The following CRACR2A variants were observed in gnomAD, a reference collection of about 807,000 sequenced individuals.
CRACR2A encodes the protein calcium release activated channel regulator 2A.
CRACR2A carries 79 observed loss-of-function variants against 90.5 expected under a neutral mutation model. The ratio of observed to expected loss-of-function variants is 0.87; its 90% CI spans 0.73 to 1.05. CRACR2A has a LOEUF of 1.05. CRACR2A is among the 50% of genes least tolerant of loss of function. The pLI, the probability that CRACR2A is intolerant of heterozygous loss-of-function variation, is 0.00. For missense variants in CRACR2A, 823 were observed against 897.2 expected (o/e 0.92, Z 1.06); for synonymous variants, 338 against 356.7 (o/e 0.95, Z 0.59).
At chr12:3,686,339 A>G (rs138586927) in intron 4 of CRACR2A, among the ~76,000 whole-genome samples, 2 of 152,324 alleles carry the variant, frequency 1.3e-5, no homozygotes, top group East Asian at 3.9e-4. Flanking sequence ...CACATAAAAG[A>G]ATGAGCACAT....
chr12:3,657,538 T>C (rs1944937824), intron 8 of CRACR2A, among the ~76,000 whole-genome samples: 1 of 152,154 alleles, frequency 6.6e-6, no homozygotes, highest in South Asian at 2.1e-4. Context: ...GTTACCAGGT[T>C]CTTCTGCCCA....
chr12:3,709,456 C>G (rs1379807728), intron 3 of CRACR2A, among the ~76,000 whole-genome samples: 1 of 152,208 alleles, frequency 6.6e-6, no homozygotes, highest in East Asian at 1.9e-4. Context: ...TTCATGAATT[C>G]AATCTTAAGT....
At chr12:3,710,976 A>G (rs943049097) in intron 3 of CRACR2A, among the ~76,000 whole-genome samples, 1 of 152,170 alleles carries the variant, frequency 6.6e-6, no homozygotes, top group African/African-American at 2.4e-5. Context: ...TAGCATTCCA[A>G]GCCTGATTTC....
At chr12:3,734,709 C>T (rs764115052) in intron 1 of CRACR2A, among the ~76,000 whole-genome samples, 3 of 151,732 alleles carry the variant, frequency 2.0e-5, no homozygotes, top group Non-Finnish European at 2.9e-5. Flanking sequence ...CTACCATTTG[C>T]GACAGCAGGG....
intron 15 of CRACR2A, among the ~76,000 whole-genome samples, chr12:3,631,506 GTCGACCTCC>G: frequency 6.6e-6 from 1 of 152,282 alleles, no homozygotes; most frequent in African/African-American, 2.4e-5. Context: ...GGGAGGGCAA[GTCGACCTCC>G]CAGGCGCTGT....
rs1944416258 is a variant in CRACR2A, at chr12:3,633,866, C to A, written c.1603-130G>T. The A allele has an allele frequency of 6.3e-6, 8 of 1,262,778 alleles. No individual in the cohort carries two copies. The South Asian group carries it at 1.2e-4, about 18-fold the overall frequency. The allele number at this position is 1,262,778 out of a possible 1,614,324, so 78.2% of individuals were successfully genotyped here. On this transcript the variant is annotated intron_variant, in intron 14 of 19. Transcript: ENST00000440314. This position sits in a 1 kb window ranked among gnomAD's most constrained non-coding sequence, Gnocchi z 4.5. ...TGCAGACCGGCCTCTAGACCTGCAC[C>A]AGGAGGCTGCCACAGCCTCAGAATG...
Position 3,739,635 on chromosome 12 carries a change from T to C in CRACR2A, c.-386-6425A>G, listed in dbSNP as rs116162267. On this transcript the variant is annotated intron_variant, in intron 1 of 19. Transcript: ENST00000440314. ...TATTTTGAACAAAATATTTATGATC[T>C]CTTTATTTAAGAAATACTGGCTGAG... Among the ~76,000 whole-genome samples the C allele has an allele frequency of 2.4e-3, 371 of 152,310 alleles. 3 individuals carry two copies. The highest frequency in any genetic ancestry group is 8.5e-3 in the African/African-American group (354 of 41,560).
intron 2 of CRACR2A, among the ~76,000 whole-genome samples, chr12:3,721,382 AG>A (rs1241570592): frequency 8.0e-6 from 1 of 124,758 alleles, no homozygotes; most frequent in Admixed American, 8.0e-5. Context: ...AAAAAAAAAA[AG>A]AAAGAAAGAA....
chr12:3,646,783 T>A (rs920256063), intron 11 of CRACR2A, among the ~76,000 whole-genome samples: 1 of 152,176 alleles, frequency 6.6e-6, no homozygotes. Context: ...GCAGGCTGCA[T>A]TGTTTCCTGC....
chr12:3,656,639 G>A (rs113246115), intron 8 of CRACR2A, among the ~76,000 whole-genome samples: 5 of 152,148 alleles, frequency 3.3e-5, no homozygotes, highest in African/African-American at 1.2e-4. Flanking sequence ...CCCAGCAAGC[G>A]TGGCCATGTT....
intron 1 of CRACR2A, among the ~76,000 whole-genome samples, chr12:3,736,316 A>G (rs1946448834): frequency 6.6e-6 from 1 of 151,528 alleles, no homozygotes; most frequent in African/African-American, 2.4e-5. Context: ...AGAGGTATCT[A>G]GGATGACTCC....
Position 3,633,924 on chromosome 12 carries a change from C to T in CRACR2A, c.1603-188G>A, listed in dbSNP as rs1944416991. The stretch of plus-strand genomic sequence containing the variant: ...CATAGTCGGTCTTGGGGCATGGAGG[C>T]TTTTTCCAGCATCCGCAGGAGGAAG... On this transcript the variant is annotated intron_variant, in intron 14 of 19. Transcript: ENST00000440314. The surrounding 1 kb of genome is among the most constrained non-coding windows in gnomAD (Gnocchi z 4.5). Among the ~76,000 whole-genome samples, 1 of 152,198 alleles carries T rather than the reference C, an allele frequency of 6.6e-6. No individual in the cohort carries two copies. Among genetic ancestry groups the T allele is most frequent in the Admixed American group, 6.5e-5 (1 of 15,282 alleles).
chr12:3,689,933 GCATAGAGGTGTC>G (rs1420127061), intron 4 of CRACR2A, among the ~76,000 whole-genome samples: 1 of 151,986 alleles, frequency 6.6e-6, no homozygotes, highest in Non-Finnish European at 1.5e-5. Context: ...TAATTTGTGT[GCATAGAGGTGTC>G]CATAATATTC....
rs1019225842 is a variant in CRACR2A at position 3,617,016 on chromosome 12, G to A, written c.2049C>T (p.Ile683=). ...GEQLATENNL[I]FYECSAYSGH... ...CAGAGTAGGCGCTGCATTCATAGAA[G>A]ATCAGATTGTTCTCCTAGAATCATA... Residue 683 remains isoleucine (I), a synonymous_variant, in exon 19 of 20, where the codon ATC becomes ATT. Coordinates refer to ENST00000440314, the MANE Select transcript of CRACR2A (RefSeq NM_001144958.2). The A allele has an allele frequency of 9.0e-5, 140 of 1,551,240 alleles. No homozygotes were observed. Among genetic ancestry groups the A allele is most frequent in the Non-Finnish European group, 1.2e-4 (135 of 1,146,708 alleles).
intron 15 of CRACR2A, 114 bp from the exon 16 acceptor site, chr12:3,627,820 C>G: frequency 9.0e-7 from 1 of 1,114,148 alleles, no homozygotes; most frequent in Non-Finnish European, 1.3e-6. Flanking sequence ...GGTGACAACC[C>G]TCCATGTGCA....
At chr12:3,653,707 C>T (rs998780582) in intron 10 of CRACR2A, among the ~76,000 whole-genome samples, 1 of 152,166 alleles carries the variant, frequency 6.6e-6, no homozygotes, top group African/African-American at 2.4e-5. Context: ...GATGGAGAGG[C>T]GAGTCCAGGG....
At chr12:3,693,432 A>G (rs1945685122) in intron 4 of CRACR2A, among the ~76,000 whole-genome samples, 1 of 152,246 alleles carries the variant, frequency 6.6e-6, no homozygotes, top group South Asian at 2.1e-4. Context: ...CAGGTCTGAC[A>G]GTTCCTCTAG....
chr12:3,648,063 G>A lies in CRACR2A; in HGVS notation c.1118+479C>T, dbSNP rs527724080. The A allele has an allele frequency of 7.3e-5, 72 of 991,898 alleles. No individual in the cohort carries two copies. In the African/African-American group the frequency reaches 1.2e-3, roughly 16 times the overall value. The allele number at this position is 991,898 out of a possible 1,614,324, so 61.4% of individuals were successfully genotyped here. On this transcript the variant is annotated intron_variant, in intron 11 of 19. Coordinates refer to ENST00000440314, the MANE Select transcript of CRACR2A (RefSeq NM_001144958.2). ...CATGAACAGAACACAGCCGAGTTAC[G>A]GATTTCCATTCTGGCCCCATCAGAG...
At chr12:3,663,918 A>G (rs963977830) in intron 7 of CRACR2A, among the ~76,000 whole-genome samples, 5 of 152,196 alleles carry the variant, frequency 3.3e-5, no homozygotes, top group African/African-American at 9.7e-5. Flanking sequence ...TGCTTCTGCC[A>G]TTGGCGTTTT....
Sources: gnomAD v4.1 joint callset for allele counts (sites outside exome capture counted in the v4.1 genomes callset) on GRCh38, gnomAD v4.1.1 for gene constraint, Gnocchi (gnomAD v3.1) non-coding constraint, MANE v1.5 for transcripts, NCBI Gene and HGNC (gene_info 2026-07-23, HGNC 2026-07-21) for gene names.